BCL2: variants seen among roughly 807,000 people sequenced by gnomAD.
BCL2 encodes the protein BCL2 apoptosis regulator, also known as apoptosis regulator Bcl-2.
In BCL2, 1 loss-of-function variant was observed where a neutral mutation model predicts 14.2. That is an observed-to-expected ratio of 0.07 (90% CI 0.02 to 0.33). The LOEUF (loss-of-function observed/expected upper bound fraction) is 0.33, where lower values mean the gene tolerates loss of function less well. Ranked by LOEUF, BCL2 falls within the 10% of genes least tolerant of loss-of-function variation. BCL2 has a pLI of 0.99. For synonymous variants in BCL2, 151 were observed against 137.2 expected (o/e 1.10, Z -0.70); for missense variants, 247 against 305.9 (o/e 0.81, Z 1.44).
intron 2 of BCL2, among the ~76,000 whole-genome samples, chr18:63,128,973 C>T (rs1913990218): frequency 6.6e-6 from 1 of 152,160 alleles, no homozygotes; most frequent in Admixed American, 6.5e-5. Context: ...CTTTACGTGC[C>T]AGCCATCTTA....
intron 2 of BCL2, among the ~76,000 whole-genome samples, chr18:63,242,066 G>A (rs769530435): frequency 7.7e-6 from 1 of 129,630 alleles, no homozygotes; most frequent in Non-Finnish European, 1.7e-5. Flanking sequence ...TTCAAACTGC[G>A]TCAGCTATCC....
chr18:63,214,989 G>A (rs1472821691), intron 2 of BCL2, among the ~76,000 whole-genome samples: 3 of 152,146 alleles, frequency 2.0e-5, no homozygotes, highest in Non-Finnish European at 4.4e-5. Flanking sequence ...GATTACAGAC[G>A]TGAGCCAGTG....
At chr18:63,208,546 A>C (rs1909908200) in intron 2 of BCL2, among the ~76,000 whole-genome samples, 1 of 152,198 alleles carries the variant, frequency 6.6e-6, no homozygotes, top group Non-Finnish European at 1.5e-5. Context: ...GATAAAGGCA[A>C]AGCTGAGAAG....
At chr18:63,263,425 G>A (rs1911719353) in intron 2 of BCL2, among the ~76,000 whole-genome samples, 1 of 152,162 alleles carries the variant, frequency 6.6e-6, no homozygotes. Flanking sequence ...GAGATCCTAA[G>A]GAGACTTATT....
intron 2 of BCL2, among the ~76,000 whole-genome samples, chr18:63,189,116 T>C (rs1915659442): frequency 1.3e-5 from 2 of 150,648 alleles, no homozygotes; most frequent in African/African-American, 2.4e-5. Context: ...TATGTAAACT[T>C]AGCATTTTCA....
At chr18:63,307,883 A>G (rs185444817) in intron 2 of BCL2, among the ~76,000 whole-genome samples, 1 of 152,210 alleles carries the variant, frequency 6.6e-6, no homozygotes, top group Non-Finnish European at 1.5e-5. Flanking sequence ...CATGGGGACA[A>G]ATCTACAAGC....
intron 2 of BCL2, among the ~76,000 whole-genome samples, chr18:63,183,377 C>T (rs891129089): frequency 3.3e-5 from 5 of 152,186 alleles, no homozygotes; most frequent in African/African-American, 9.7e-5. Context: ...GCTCACATCA[C>T]AGCAGGCTTC....
At chr18:63,132,996 G>C (rs1914110363) in intron 2 of BCL2, among the ~76,000 whole-genome samples, 1 of 152,194 alleles carries the variant, frequency 6.6e-6, no homozygotes, top group Non-Finnish European at 1.5e-5. Flanking sequence ...GCTGGCACCG[G>C]CTCCTCCTAT....
intron 2 of BCL2, among the ~76,000 whole-genome samples, chr18:63,188,543 T>C (rs986469508): frequency 1.3e-5 from 2 of 152,168 alleles, no homozygotes; most frequent in Non-Finnish European, 2.9e-5. Flanking sequence ...ATATAGGTGA[T>C]AGAAATAAAG....
chr18:63,252,028 A>G (rs1252633885), intron 2 of BCL2, among the ~76,000 whole-genome samples: 2 of 152,182 alleles, frequency 1.3e-5, no homozygotes, highest in African/African-American at 4.8e-5. Flanking sequence ...CTGATTGTCA[A>G]GACATTTTTA....
intron 2 of BCL2, among the ~76,000 whole-genome samples, chr18:63,193,670 A>G (rs1909358429): frequency 6.6e-6 from 1 of 150,776 alleles, no homozygotes; most frequent in Admixed American, 6.6e-5. Context: ...ATATATATAC[A>G]CACACACACA....
intron 2 of BCL2, among the ~76,000 whole-genome samples, chr18:63,280,298 T>C (rs1376218094): frequency 2.6e-5 from 4 of 152,200 alleles, no homozygotes; most frequent in Non-Finnish European, 5.9e-5. Context: ...TCAGTTTCCG[T>C]ATCTATTAAA....
intron 1 of BCL2, 75 bp from the exon 2 acceptor site, chr18:63,319,027 A>C (rs1913608818): frequency 8.7e-7 from 1 of 1,155,332 alleles, no homozygotes; most frequent in Admixed American, 4.6e-5. Flanking sequence ...GAGTGAAAGC[A>C]GGGCATACAC....
intron 2 of BCL2, among the ~76,000 whole-genome samples, chr18:63,207,455 A>G (rs973816298): frequency 1.3e-5 from 2 of 152,276 alleles, no homozygotes; most frequent in African/African-American, 4.8e-5. Flanking sequence ...AAGATGGTCA[A>G]GAGCTAACAT....
intron 2 of BCL2, among the ~76,000 whole-genome samples, chr18:63,220,440 G>A (rs976003622): frequency 6.6e-6 from 1 of 152,138 alleles, no homozygotes; most frequent in Non-Finnish European, 1.5e-5. Flanking sequence ...TACAACATCG[G>A]TGGTTTGCAT....
At chr18:63,231,426 T>G (rs1187622146) in intron 2 of BCL2, among the ~76,000 whole-genome samples, 1 of 152,028 alleles carries the variant, frequency 6.6e-6, no homozygotes, top group African/African-American at 2.4e-5. Context: ...TGGCATTATT[T>G]GCAAATGATA....
At chr18:63,209,034 C>A (rs1351151843) in intron 2 of BCL2, among the ~76,000 whole-genome samples, 1 of 152,190 alleles carries the variant, frequency 6.6e-6, no homozygotes, top group East Asian at 1.9e-4. Context: ...CAGTAGTCCC[C>A]AAAAGGTCTG....
chr18:63,128,059 A>G lies in BCL2; in HGVS notation c.*566T>C, dbSNP rs377403870. 1 of 225,942 alleles carries G rather than the reference A, an allele frequency of 4.4e-6. No homozygotes were observed. The highest frequency in any genetic ancestry group is 6.3e-5 in the East Asian group (1 of 15,822). The allele number at this position is 225,942 out of a possible 1,614,324, so 14.0% of individuals were successfully genotyped here. ...GTCATATGCAAAGAGTCTCTTCTTC[A>G]GGCCAGGGAGGCATGGACTTCCCCC... On this transcript the variant is annotated 3_prime_UTR_variant, in exon 3 of 3. Coordinates refer to ENST00000333681, the MANE Select transcript of BCL2 (RefSeq NM_000633.3).
rs1256864646 is a variant in BCL2, at chr18:63,128,707, G to C, written c.638C>G (p.Ser213Cys). ...GPSMRPLFDF[S>C]WLSLKTLLSL... ...GAGCAGAGTCTTCAGAGACAGCCAG[G>C]AGAAATCAAACAGAGGCCGCATGCT... is the stretch of plus-strand genomic sequence containing the variant. The change falls in exon 3 of 3, where the codon TCC becomes TGC. Residue 213 changes from serine to cysteine, a missense_variant. Transcript: ENST00000333681. 2 of 781,030 alleles carry C rather than the reference G, an allele frequency of 2.6e-6. No homozygotes were observed. The highest frequency in any genetic ancestry group is 4.8e-6 in the Non-Finnish European group (2 of 418,102). 48.4% of individuals were successfully genotyped at this position (781,030 alleles called of 1,614,324 possible).
Sources: gnomAD v4.1 joint callset for allele counts (sites outside exome capture counted in the v4.1 genomes callset) on GRCh38, gnomAD v4.1.1 for gene constraint, MANE v1.5 for transcripts, NCBI Gene and HGNC (gene_info 2026-07-23, HGNC 2026-07-21) for gene names.